UBE2QL1: variants seen among roughly 807,000 people sequenced by gnomAD.
UBE2QL1 encodes the protein ubiquitin-conjugating enzyme E2Q-like protein 1.
In UBE2QL1, 5 loss-of-function variants were observed where a neutral mutation model predicts 12.6. The ratio of observed to expected loss-of-function variants is 0.40; its 90% CI spans 0.21 to 0.83. UBE2QL1 has a LOEUF of 0.83. UBE2QL1 is among the 40% of genes least tolerant of loss of function. UBE2QL1 has a pLI of 0.37. For synonymous variants in UBE2QL1, 96 were observed against 94.5 expected (o/e 1.02, Z -0.10); for missense variants, 99 against 222.6 (o/e 0.44, Z 3.53).
chr5:6,468,535 C>T (rs2126347036), intron 1 of UBE2QL1, among the ~76,000 whole-genome samples: 1 of 152,340 alleles, frequency 6.6e-6, no homozygotes, highest in Non-Finnish European at 1.5e-5. Context: ...TTGAAGGTGG[C>T]TCTCCAGTGA....
chr5:6,489,490 A>G (rs1301027696), intron 1 of UBE2QL1, among the ~76,000 whole-genome samples: 2 of 152,202 alleles, frequency 1.3e-5, no homozygotes, highest in Non-Finnish European at 2.9e-5. Context: ...CCAGTGACAG[A>G]TGCACAAGTG....
chr5:6,457,668 A>T (rs61195545), intron 1 of UBE2QL1, among the ~76,000 whole-genome samples: 1 of 152,078 alleles, frequency 6.6e-6, no homozygotes, highest in Non-Finnish European at 1.5e-5. Flanking sequence ...TGTTATTCCC[A>T]TTTTACAGAG....
chr5:6,480,548 T>A (rs1412504988), intron 1 of UBE2QL1, among the ~76,000 whole-genome samples: 7 of 152,222 alleles, frequency 4.6e-5, no homozygotes, highest in Non-Finnish European at 1.0e-4. Flanking sequence ...AAAAATAACC[T>A]TGAGAGGATT....
chr5:6,469,539 G>T (rs1185933414), intron 1 of UBE2QL1, among the ~76,000 whole-genome samples: 3 of 145,214 alleles, frequency 2.1e-5, no homozygotes, highest in Admixed American at 6.9e-5. Context: ...TATATCCTTA[G>T]ATTATACATA....
chr5:6,454,916 A>G (rs1327544070), intron 1 of UBE2QL1, among the ~76,000 whole-genome samples: 1 of 152,154 alleles, frequency 6.6e-6, no homozygotes, highest in South Asian at 2.1e-4. Flanking sequence ...AAAAATAGCT[A>G]CTTGTTCTTC....
chr5:6,494,110 A>C lies in UBE2QL1; in HGVS notation c.*2761A>C, dbSNP rs1324220422. The C allele has an allele frequency of 6.6e-6, 1 of 152,202 alleles. No individual in the cohort carries two copies. The allele number at this position is 152,202 out of a possible 1,614,324, so 9.4% of individuals were successfully genotyped here. ...CAGAGCCAAACAAACAGAAAATCAC[A>C]AACCCATCTGTCCTCTTCTCAATGC... On this transcript the variant is annotated 3_prime_UTR_variant, in exon 2 of 2. Transcript: ENST00000399816.
chr5:6,491,149 T>A, intron 1 of UBE2QL1, 69 bp from the exon 2 acceptor site: 2 of 1,452,866 alleles, frequency 1.4e-6, no homozygotes, highest in Non-Finnish European at 1.8e-6. Context: ...TGTGTGTTTT[T>A]AATAAAGATG....
At position 6,482,675 on chromosome 5, in the gene UBE2QL1, G is replaced by A. The variant is rs1457878828; in HGVS notation, c.355-8543G>A. Among the ~76,000 whole-genome samples the A allele has an allele frequency of 3.3e-5, 5 of 152,202 alleles. No individual in the cohort carries two copies. The East Asian group carries it at 5.8e-4, about 18-fold the overall frequency. The stretch of plus-strand genomic sequence containing the variant: ...GAGACATTTTTGGTTGCCACCACTC[G>A]GGAGAGGGGTACTAATGGCATTCAG... On this transcript the variant is annotated intron_variant, in intron 1 of 1. Coordinates refer to ENST00000399816, the MANE Select transcript of UBE2QL1 (RefSeq NM_001145161.3).
intron 1 of UBE2QL1, among the ~76,000 whole-genome samples, chr5:6,488,842 G>A (rs889407355): frequency 4.6e-5 from 7 of 151,534 alleles, no homozygotes; most frequent in East Asian, 3.9e-4. Context: ...TAACATCCTC[G>A]CAAAGATGTG....
intron 1 of UBE2QL1, among the ~76,000 whole-genome samples, chr5:6,489,688 G>T (rs1230187943): frequency 6.6e-6 from 1 of 152,224 alleles, no homozygotes; most frequent in Non-Finnish European, 1.5e-5. Flanking sequence ...GGCACCGTCT[G>T]CCCAGTAGAT....
chr5:6,450,839 G>A (rs1158163550), intron 1 of UBE2QL1, among the ~76,000 whole-genome samples: 1 of 152,210 alleles, frequency 6.6e-6, no homozygotes, highest in Non-Finnish European at 1.5e-5. Flanking sequence ...CTTCAGCTGA[G>A]GGAGGCTTAG....
chr5:6,470,320 C>A (rs555874933), intron 1 of UBE2QL1, among the ~76,000 whole-genome samples: 1 of 152,220 alleles, frequency 6.6e-6, no homozygotes, highest in South Asian at 2.1e-4. Flanking sequence ...ATGAAGAGGC[C>A]AGGAAAAGCG....
chr5:6,467,929 A>T (rs1263846332), intron 1 of UBE2QL1, among the ~76,000 whole-genome samples: 3 of 151,820 alleles, frequency 2.0e-5, no homozygotes, highest in Non-Finnish European at 2.9e-5. Flanking sequence ...TATCGCCTTT[A>T]TCTCTTACGC....
At chr5:6,455,945 C>T (rs1053311683) in intron 1 of UBE2QL1, among the ~76,000 whole-genome samples, 2 of 152,162 alleles carry the variant, frequency 1.3e-5, no homozygotes, top group Admixed American at 6.5e-5. Context: ...ATGTAGACTA[C>T]GAGGGAGTGT....
intron 1 of UBE2QL1, among the ~76,000 whole-genome samples, chr5:6,455,977 A>G (rs1433829763): frequency 6.6e-6 from 1 of 152,160 alleles, no homozygotes; most frequent in East Asian, 1.9e-4. Flanking sequence ...AAGAAAATGT[A>G]GGGATGATTC....
intron 1 of UBE2QL1, among the ~76,000 whole-genome samples, chr5:6,475,665 T>G: frequency 1.0e-5 from 1 of 96,370 alleles, no homozygotes. Context: ...AGGGAAGGGG[T>G]AGGAAGGCAG....
At position 6,491,228 on chromosome 5, in the gene UBE2QL1, G is replaced by T; in HGVS notation, c.365G>T (p.Cys122Phe). ...ASLVKGQGRICRKAGKSKKSF... is the reference protein window; with the variant it reads ...ASLVKGQGRIFRKAGKSKKSF... ...TCTCATCTCACGCAGGGACGGATCT[G>T]TAGAAAAGCTGGCAAATCAAAAAAG... Residue 122 changes from cysteine to phenylalanine, a missense_variant, in exon 2 of 2, where the codon TGT becomes TTT. Cys to Phe is a radical substitution (Grantham distance 205, BLOSUM62 -2). Transcript: ENST00000399816. The T allele has an allele frequency of 6.4e-7, 1 of 1,550,760 alleles. No individual in the cohort carries two copies. Among genetic ancestry groups the T allele is most frequent in the Non-Finnish European group, 8.7e-7 (1 of 1,146,548 alleles).
chr5:6,467,551 C>T (rs1579293177), intron 1 of UBE2QL1, among the ~76,000 whole-genome samples: 1 of 152,194 alleles, frequency 6.6e-6, no homozygotes, highest in Non-Finnish European at 1.5e-5. Flanking sequence ...ATAAAGATTT[C>T]TATTTCCAAA....
At chr5:6,467,386 G>A (rs563111948) in intron 1 of UBE2QL1, among the ~76,000 whole-genome samples, 38 of 152,210 alleles carry the variant, frequency 2.5e-4, no homozygotes, top group African/African-American at 7.2e-4. Context: ...GCTGGATCCC[G>A]AGGCTGCTGC....
Sources: gnomAD v4.1 joint callset for allele counts (sites outside exome capture counted in the v4.1 genomes callset) on GRCh38, gnomAD v4.1.1 for gene constraint, MANE v1.5 for transcripts, NCBI Gene and HGNC (gene_info 2026-07-23, HGNC 2026-07-21) for gene names.